Variants in MYLK4 observed in about 807,000 individuals in gnomAD.
MYLK4 encodes the protein caMLCK like.
Under a neutral mutation model 48.1 loss-of-function variants are expected in MYLK4, and 46 were observed. The observed-to-expected ratio is 0.96, with a 90% CI of 0.75 to 1.22. The LOEUF (loss-of-function observed/expected upper bound fraction) is 1.22, where lower values mean the gene tolerates loss of function less well. MYLK4 is among the 50% of genes most tolerant of loss of function. The probability of loss-of-function intolerance (pLI) is 0.00; values close to 1 mark genes in which losing one functional copy is unlikely to be tolerated. For missense variants in MYLK4, 451 were observed against 486.1 expected (o/e 0.93, Z 0.68); for synonymous variants, 170 against 180.8 (o/e 0.94, Z 0.48).
intron 2 of MYLK4, among the ~76,000 whole-genome samples, chr6:2,722,130 G>A (rs911916446): frequency 4.6e-5 from 7 of 152,186 alleles, no homozygotes; most frequent in Admixed American, 1.3e-4. Context: ...AGACTTAGAC[G>A]GCAACTACTG....
chr6:2,741,695 T>C (rs1000163769), intron 2 of MYLK4, among the ~76,000 whole-genome samples: 1 of 152,252 alleles, frequency 6.6e-6, no homozygotes, highest in Non-Finnish European at 1.5e-5. Context: ...AAATATTCAT[T>C]AGCAATAAGA....
In MYLK4 at chr6:2,666,310, A is replaced by G. The variant is rs1475045047; in HGVS notation, c.*1615T>C. The G allele has an allele frequency of 6.6e-6, 1 of 152,182 alleles. No individual in the cohort carries two copies. The highest frequency in any genetic ancestry group is 2.4e-5 in the African/African-American group (1 of 41,424). 9.4% of individuals were successfully genotyped at this position (152,182 alleles called of 1,614,324 possible). A position where few individuals can be genotyped will look rare whatever the true frequency, so the allele number is the denominator to read the frequency against. On this transcript the variant is annotated 3_prime_UTR_variant, in exon 13 of 13. Transcript: ENST00000274643. ...AGTAATTCTTATGCCTTTCATTGCT[A>G]TTGCGACAACAGTAATTGAGACCAT... is the stretch of plus-strand genomic sequence containing the variant.
At chr6:2,757,605 TAA>T in the MYLK4 span, among the ~76,000 whole-genome samples, 590 of 141,118 alleles carry the variant, frequency 4.2e-3, 11 homozygotes, top group South Asian at 0.02. Flanking sequence ...GATACTTCCA[TAA>T]AAAAAAAAAA....
At chr6:2,742,519 C>G (rs901076774) in intron 2 of MYLK4, among the ~76,000 whole-genome samples, 3 of 150,824 alleles carry the variant, frequency 2.0e-5, no homozygotes, top group Non-Finnish European at 3.0e-5. Context: ...ACATATACAC[C>G]ATGGAATACT....
At chr6:2,701,944 A>G (rs1477756028) in intron 2 of MYLK4, among the ~76,000 whole-genome samples, 1 of 152,252 alleles carries the variant, frequency 6.6e-6, no homozygotes, top group Non-Finnish European at 1.5e-5. Context: ...GTCTATTTAC[A>G]TCTTGCCTCC....
Position 2,685,459 on chromosome 6 carries a change from G to C in MYLK4, c.435+24C>G. 6.2e-7 allele frequency: 1 copy of C among 1,610,408 alleles called. No individual in the cohort carries two copies. Among genetic ancestry groups the C allele is most frequent in the South Asian group, 1.1e-5 (1 of 90,954 alleles). On this transcript the variant is annotated intron_variant, in intron 5 of 12. Transcript: ENST00000274643. This position sits in a 1 kb window ranked among gnomAD's most constrained non-coding sequence, Gnocchi z 4.5. ...TGGTCAAGATGGGGCGGGGAGGGAG[G>C]GGACCACCTCCCACAGGCTGTACCT...
chr6:2,760,372 G>A, the MYLK4 span, among the ~76,000 whole-genome samples: 7 of 152,158 alleles, frequency 4.6e-5, no homozygotes, highest in African/African-American at 1.7e-4. Flanking sequence ...CACCCTCCCA[G>A]CACATCATCA....
rs759563113 is a variant in MYLK4, at chr6:2,675,120, C to T, written c.1046G>A (p.Arg349Gln). Residue 349 changes from arginine to glutamine, a missense_variant, in exon 11 of 13, where the codon CGA becomes CAA. Arg to Gln is a conservative substitution (Grantham distance 43). Transcript: ENST00000274643. ...SKLLIKEKSW[R>Q]ISASEALKHP... ...CTTGAGAGCTTCGCTTGCACTTATT[C>T]GCCAACTAGAAGGAAATTCAGAAGG... 14 of 1,613,386 alleles carry T rather than the reference C, an allele frequency of 8.7e-6. No homozygotes were observed. Among genetic ancestry groups the T allele is most frequent in the East Asian group, 2.2e-5 (1 of 44,874 alleles).
rs762451829 is a variant in MYLK4, at chr6:2,683,016, C to A, written c.687+5G>T. On this transcript the variant is annotated splice_donor_5th_base_variant and intron_variant, in intron 7 of 12. Coordinates refer to ENST00000274643, the MANE Select transcript of MYLK4 (RefSeq NM_001012418.5). Reference sequence around the variant, plus strand: ...TACGTCTCACAGGATACAAAACACCCTTACCTTCAGGTCCAAGTGGAGAAT... The same window carrying A: ...TACGTCTCACAGGATACAAAACACCATTACCTTCAGGTCCAAGTGGAGAAT... The A allele has an allele frequency of 6.2e-7, 1 of 1,614,192 alleles. No individual in the cohort carries two copies. The highest frequency in any genetic ancestry group is 1.7e-5 in the Admixed American group (1 of 60,026).
chr6:2,729,452 C>T (rs1763400326), intron 2 of MYLK4, among the ~76,000 whole-genome samples: 1 of 152,342 alleles, frequency 6.6e-6, no homozygotes, highest in Middle Eastern at 3.4e-3. Flanking sequence ...CAACAAATAA[C>T]TTTGGTTTGT....
intron 1 of MYLK4, among the ~76,000 whole-genome samples, chr6:2,750,205 T>C (rs1029358338): frequency 6.6e-6 from 1 of 152,182 alleles, no homozygotes; most frequent in Non-Finnish European, 1.5e-5. Flanking sequence ...AAAGCGCCTC[T>C]TCGAGCATTT....
At chr6:2,708,862 T>C (rs1422125015) in intron 2 of MYLK4, among the ~76,000 whole-genome samples, 1 of 152,218 alleles carries the variant, frequency 6.6e-6, no homozygotes, top group Non-Finnish European at 1.5e-5. Flanking sequence ...AGCTACTATT[T>C]TTAAAATTTG....
At chr6:2,707,282 T>G (rs9328123) in intron 2 of MYLK4, among the ~76,000 whole-genome samples, 130,656 of 152,130 alleles carry the variant, frequency 0.86, 56,185 homozygotes, top group Admixed American at 0.89. Context: ...TAAAATTTAG[T>G]CCACAGTATA....
At chr6:2,694,560 GTGGTAGTGGTAGTGCTGC>G (rs1582057138) in intron 2 of MYLK4, among the ~76,000 whole-genome samples, 4 of 138,792 alleles carry the variant, frequency 2.9e-5, no homozygotes, top group Non-Finnish European at 6.2e-5. Context: ...GGTAGTCGTG[GTGGTAGTGGTAGTGCTGC>G]TGGTGGTGGT....
intron 3 of MYLK4, among the ~76,000 whole-genome samples, chr6:2,690,143 C>G (rs1761717533): frequency 6.6e-6 from 1 of 152,182 alleles, no homozygotes; most frequent in South Asian, 2.1e-4. Context: ...CCATTTCCTA[C>G]CCAGTGGGGT....
At chr6:2,733,651 A>C (rs995574526) in intron 2 of MYLK4, among the ~76,000 whole-genome samples, 2 of 152,212 alleles carry the variant, frequency 1.3e-5, no homozygotes, top group Non-Finnish European at 2.9e-5. Flanking sequence ...AGGTCTAACC[A>C]ATCCCTAGCA....
intron 10 of MYLK4, among the ~76,000 whole-genome samples, chr6:2,677,893 T>C (rs973796975): frequency 6.6e-6 from 1 of 152,216 alleles, no homozygotes; most frequent in African/African-American, 2.4e-5. Flanking sequence ...CGGAACCATA[T>C]ACAGCTTAGT....
chr6:2,737,196 C>A (rs1582116894), intron 2 of MYLK4, among the ~76,000 whole-genome samples: 1 of 152,210 alleles, frequency 6.6e-6, no homozygotes, highest in Non-Finnish European at 1.5e-5. Flanking sequence ...GCCTGTAGTC[C>A]CAGCTACTCG....
At chr6:2,767,984 AAC>A in the MYLK4 span, among the ~76,000 whole-genome samples, 1 of 152,220 alleles carries the variant, frequency 6.6e-6, no homozygotes, top group Non-Finnish European at 1.5e-5. Flanking sequence ...ACAGTCATTA[AAC>A]AGTCTTCAGT....
Sources: gnomAD v4.1 joint callset for allele counts (sites outside exome capture counted in the v4.1 genomes callset) on GRCh38, gnomAD v4.1.1 for gene constraint, Gnocchi (gnomAD v3.1) non-coding constraint, MANE v1.5 for transcripts, NCBI Gene and HGNC (gene_info 2026-07-23, HGNC 2026-07-21) for gene names.